The following ARRDC3 variants were observed in gnomAD, a reference collection of about 807,000 sequenced individuals.
The protein encoded by ARRDC3 is arrestin domain-containing protein 3.
Under a neutral mutation model 47.2 loss-of-function variants are expected in ARRDC3, and 10 were observed. That is an observed-to-expected ratio of 0.21 (90% CI 0.13 to 0.36). The LOEUF is 0.36. Among genes scored for constraint, ARRDC3 ranks in the 10% least tolerant of loss-of-function variants. ARRDC3 has a pLI of 1.00. For synonymous variants in ARRDC3, 156 were observed against 178.3 expected (o/e 0.87, Z 1.00); for missense variants, 381 against 503.6 (o/e 0.76, Z 2.33).
At chr5:91,374,017 G>T in intron 6 of ARRDC3, 97 bp downstream of exon 6, 5 of 1,461,710 alleles carry the variant, frequency 3.4e-6, no homozygotes, top group Non-Finnish European at 4.7e-6. Flanking sequence ...TTTAGGAAAA[G>T]ATTATGTTCA....
chr5:91,378,188 G>C (rs537767439), intron 2 of ARRDC3, among the ~76,000 whole-genome samples: 5 of 151,768 alleles, frequency 3.3e-5, no homozygotes, highest in African/African-American at 4.8e-5. Context: ...ATAGTTCTTT[G>C]TACAGAAGCT....
At chr5:91,373,590 A>G (rs1799227832) in intron 7 of ARRDC3, 94 bp downstream of exon 7, 16 of 1,193,032 alleles carry the variant, frequency 1.3e-5, no homozygotes, top group Admixed American at 2.2e-5. Context: ...TTAACATGAT[A>G]ATCAAGATCT....
chr5:91,377,984 T>G (rs1393528259), intron 2 of ARRDC3, among the ~76,000 whole-genome samples: 1 of 152,150 alleles, frequency 6.6e-6, no homozygotes, highest in Non-Finnish European at 1.5e-5. Context: ...AGTGCCATTT[T>G]GCAGGTTTTA....
intron 3 of ARRDC3, 90 bp from the exon 4 acceptor site, chr5:91,375,703 G>T: frequency 1.2e-6 from 1 of 866,352 alleles, no homozygotes; most frequent in Non-Finnish European, 1.6e-6. Flanking sequence ...TAAATTTATG[G>T]AAAATTAAAA....
chr5:91,379,758 A>G (rs1799398148), intron 1 of ARRDC3: 1 of 152,190 alleles, frequency 6.6e-6, no homozygotes, highest in Admixed American at 6.5e-5. Context: ...TAGCCCCCAG[A>G]GTAGAAAAAA....
chr5:91,375,528 C>T lies in ARRDC3; in HGVS notation c.596G>A (p.Arg199Lys). The T allele has an allele frequency of 1.2e-6, 2 of 1,610,914 alleles. No homozygotes were observed. Among genetic ancestry groups the T allele is most frequent in the Non-Finnish European group, 1.7e-6 (2 of 1,178,244 alleles). ...TTACATACCTGGGGTATAGCCCTTC[C>T]TTTCAATTTTGGCACTTAAGGATAT... is the stretch of plus-strand genomic sequence containing the variant. ...GPISLSAKIE[R>K]KGYTPGESIQ... The change falls in exon 4 of 8, where the codon AGG becomes AAG. Residue 199 changes from arginine (R) to lysine (K), a missense_variant. Physicochemically the swap from Arg to Lys is conservative, Grantham distance 26 (BLOSUM62 2). Coordinates refer to ENST00000265138, the MANE Select transcript of ARRDC3 (RefSeq NM_020801.4).
In ARRDC3 at chr5:91,370,585, G is replaced by T. The variant is rs984443147; in HGVS notation, c.*815C>A. 5 of 152,576 alleles carry T rather than the reference G, an allele frequency of 3.3e-5. No individual in the cohort carries two copies. The highest frequency in any genetic ancestry group is 1.2e-4 in the African/African-American group (5 of 41,442). The allele number at this position is 152,576 out of a possible 1,614,324, so 9.5% of individuals were successfully genotyped here. A position where few individuals can be genotyped will look rare whatever the true frequency, so the allele number is the denominator to read the frequency against. On this transcript the variant is annotated 3_prime_UTR_variant, in exon 8 of 8. Transcript: ENST00000265138. ...ACCTGAGATTAAGTGATTTTAGGCA[G>T]TCAGTAACAAAATGCTGCTTTGCTG...
At position 91,378,789 on chromosome 5, in the gene ARRDC3, A is replaced by G. The variant is rs1295456796; in HGVS notation, c.281-14T>C. 1.3e-6 allele frequency: 2 copies of G among 1,544,268 alleles called. No homozygotes were observed. Among genetic ancestry groups the G allele is most frequent in the Non-Finnish European group, 8.8e-7 (1 of 1,134,724 alleles). On this transcript the variant is annotated splice_polypyrimidine_tract_variant and intron_variant, in intron 1 of 7. Transcript: ENST00000265138. ...AATTATCATCATCTAAAACAAACAT[A>G]AAAAGAAAACAAAGAATTTATTATT...
chr5:91,377,029 CT>C (rs1486865587), intron 2 of ARRDC3, among the ~76,000 whole-genome samples: 2 of 152,134 alleles, frequency 1.3e-5, no homozygotes, highest in African/African-American at 4.8e-5. Context: ...GAGGAGGCTA[CT>C]TTTAATGATG....
intron 6 of ARRDC3, 117 bp downstream of exon 6, chr5:91,373,997 A>G: frequency 2.1e-6 from 3 of 1,423,382 alleles, no homozygotes; most frequent in Middle Eastern, 2.0e-4. Context: ...TTAGGGGCAC[A>G]TCTACTTTCT....
At chr5:91,374,009 T>A in intron 6 of ARRDC3, 105 bp downstream of exon 6, 1 of 1,447,764 alleles carries the variant, frequency 6.9e-7, no homozygotes, top group Non-Finnish European at 9.4e-7. Context: ...CTACTTTCTT[T>A]AGGAAAAGAT....
Position 91,378,690 on chromosome 5 carries a change from T to A in ARRDC3, c.362+4A>T. 6.5e-7 allele frequency: 1 copy of A among 1,540,420 alleles called. No homozygotes were observed. Among genetic ancestry groups the A allele is most frequent in the Admixed American group, 1.8e-5 (1 of 56,294 alleles). The stretch of plus-strand genomic sequence containing the variant: ...TAAAAATGCCTATTATTTATAATAC[T>A]TACGTCTGTGGAAGCTCGAAGCTGA... On this transcript the variant is annotated splice_donor_region_variant and intron_variant, in intron 2 of 7. Coordinates refer to ENST00000265138, the MANE Select transcript of ARRDC3 (RefSeq NM_020801.4).
intron 7 of ARRDC3, 99 bp downstream of exon 7, chr5:91,373,585 A>C (rs951126136): frequency 2.4e-5 from 28 of 1,176,198 alleles, no homozygotes; most frequent in Non-Finnish European, 3.1e-5. Context: ...TTCTGTTAAC[A>C]TGATAATCAA....
rs932143759 is a variant in ARRDC3, at chr5:91,369,712, T to C, written c.*1688A>G. 1 of 152,156 alleles carries C rather than the reference T, an allele frequency of 6.6e-6. No homozygotes were observed. The highest frequency in any genetic ancestry group is 1.5e-5 in the Non-Finnish European group (1 of 68,040). The allele number at this position is 152,156 out of a possible 1,614,324, so 9.4% of individuals were successfully genotyped here. A position where few individuals can be genotyped will look rare whatever the true frequency, so the allele number is the denominator to read the frequency against. ...TACACGTATGTTGCAACATCAGAGATGCTGGTTTTCTTTAAAAACATCAGA... is the reference window on the plus strand; with the variant it reads ...TACACGTATGTTGCAACATCAGAGACGCTGGTTTTCTTTAAAAACATCAGA... On this transcript the variant is annotated 3_prime_UTR_variant, in exon 8 of 8. Coordinates refer to ENST00000265138, the MANE Select transcript of ARRDC3 (RefSeq NM_020801.4).
chr5:91,382,947 A>G lies in ARRDC3; in HGVS notation c.146T>C (p.Ile49Thr). 1 of 1,614,104 alleles carries G rather than the reference A, an allele frequency of 6.2e-7. No individual in the cohort carries two copies. Among genetic ancestry groups the G allele is most frequent in the Non-Finnish European group, 8.5e-7 (1 of 1,180,026 alleles). The change falls in exon 1 of 8, where the codon ATT becomes ACT. Residue 49 changes from isoleucine to threonine, a missense_variant. Ile to Thr is a moderately conservative substitution (Grantham distance 89). Coordinates refer to ENST00000265138, the MANE Select transcript of ARRDC3 (RefSeq NM_020801.4). ...TACTTTCGCATGTCCTCTTGCATGA[A>G]TTTTAAGAGATTTTACTCTGATTTC... Reference protein sequence around the residue: ...TGEIRVKSLKIHARGHAKVRW... With the variant: ...TGEIRVKSLKTHARGHAKVRW...
chr5:91,371,427 A>T lies in ARRDC3; in HGVS notation c.1218T>A (p.Asp406Glu), dbSNP rs144920190. 1,107 of 1,613,630 alleles carry T rather than the reference A, an allele frequency of 6.9e-4. 14 individuals are homozygous for T. In the African/African-American group the frequency reaches 0.013, roughly 19 times the overall value. ...EIDPNPDQSA[D>E]DRPSCPSR Reference sequence around the variant, plus strand: ...AACGAGAGGGGCAGGATGGTCTATCATCTGCTGACTGATCAGGATTTGGAT... The same window carrying T: ...AACGAGAGGGGCAGGATGGTCTATCTTCTGCTGACTGATCAGGATTTGGAT... Residue 406 changes from aspartate to glutamate, a missense_variant, in exon 8 of 8, where the codon GAT becomes GAA. By Grantham distance (45) the Asp-to-Glu change is conservative. Transcript: ENST00000265138.
intron 1 of ARRDC3, chr5:91,380,748 C>T (rs1254539922): frequency 6.6e-6 from 1 of 152,354 alleles, no homozygotes; most frequent in Admixed American, 6.5e-5. Flanking sequence ...AAAGGATTTT[C>T]TGCTAAAGTT....
intron 1 of ARRDC3, chr5:91,380,312 GC>G (rs1003672205): frequency 6.5e-6 from 1 of 152,978 alleles, no homozygotes; most frequent in Non-Finnish European, 1.5e-5. Flanking sequence ...TAGCCTGCTG[GC>G]CGGGGGGCGG....
chr5:91,376,599 A>C, intron 3 of ARRDC3, 22 bp downstream of exon 3: 1 of 1,577,340 alleles, frequency 6.3e-7, no homozygotes, highest in Non-Finnish European at 8.7e-7. Context: ...AACAAAGAAT[A>C]AATAATTCAG....
Sources: allele counts gnomAD v4.1 joint callset (sites outside exome capture counted in the v4.1 genomes callset), GRCh38; gene constraint gnomAD v4.1.1; transcripts MANE v1.5; gene names NCBI Gene and HGNC (gene_info 2026-07-23, HGNC 2026-07-21).